Variants in PAN3 observed in about 807,000 individuals in gnomAD.
The protein encoded by PAN3 is PAN2-PAN3 deadenylation complex subunit PAN3.
PAN3 carries 19 observed loss-of-function variants against 96.2 expected under a neutral mutation model. The observed-to-expected ratio is 0.20, with a 90% CI of 0.14 to 0.29. The LOEUF is 0.29. PAN3 is among the 10% of genes least tolerant of loss of function. The pLI is 1.00. For missense variants in PAN3, 882 were observed against 1,108.1 expected (o/e 0.80, Z 2.90); for synonymous variants, 433 against 406.6 (o/e 1.06, Z -0.78).
At chr13:28,280,341 T>C in intron 15 of PAN3, 71 bp from the exon 16 acceptor site, 1 of 1,488,110 alleles carries the variant, frequency 6.7e-7, no homozygotes, top group Non-Finnish European at 9.0e-7. Flanking sequence ...CCAAAACAGC[T>C]ATGTTTGGGT....
intron 6 of PAN3, among the ~76,000 whole-genome samples, chr13:28,253,521 C>G (rs1884902814): frequency 1.3e-5 from 2 of 151,312 alleles, no homozygotes; most frequent in Non-Finnish European, 2.9e-5. Context: ...ATTTAAGTAT[C>G]CTATTATCCT....
At position 28,270,744 on chromosome 13, in the gene PAN3, G is replaced by A; in HGVS notation, c.1836G>A (p.Leu612=). 1.2e-6 allele frequency: 2 copies of A among 1,613,908 alleles called. No homozygotes were observed. Among genetic ancestry groups the A allele is most frequent in the Non-Finnish European group, 1.7e-6 (2 of 1,179,858 alleles). The change falls in exon 13 of 19, where the codon TTG becomes TTA. Residue 612 remains leucine, a synonymous_variant. Transcript: ENST00000380958. ...GPLPRQHAGL[L]PESLIWAYIV... is the part of the protein sequence containing the mutation. Reference sequence around the variant, plus strand: ...TGCCCAGGCAGCATGCTGGATTATTGCCAGAATCTCTTATTTGGGCATATA... The same window carrying A: ...TGCCCAGGCAGCATGCTGGATTATTACCAGAATCTCTTATTTGGGCATATA...
intron 2 of PAN3, 43 bp from the exon 3 acceptor site, chr13:28,176,450 T>C (rs1212905936): frequency 2.6e-6 from 4 of 1,554,790 alleles, no homozygotes; most frequent in African/African-American, 1.4e-5. Flanking sequence ...CTTTTATTTC[T>C]GTATTCCTCA....
In PAN3 at chr13:28,138,745, C is replaced by A; in HGVS notation, c.88C>A (p.Pro30Thr). Residue 30 changes from proline (P) to threonine (T), a missense_variant, in exon 1 of 19, where the codon CCG (proline) becomes ACG (threonine). Pro to Thr is a conservative substitution (Grantham distance 38). Transcript: ENST00000380958. ...SLAAAVAVVA[P>T]PGVGGVPGGA... The stretch of plus-strand genomic sequence containing the variant: ...GGCGGCGGCGGTGGCGGTGGTGGCC[C>A]CGCCGGGGGTCGGGGGTGTCCCCGG... 7.6e-7 allele frequency: 1 copy of A among 1,321,290 alleles called. No individual in the cohort carries two copies. Among genetic ancestry groups the A allele is most frequent in the Non-Finnish European group, 9.6e-7 (1 of 1,039,910 alleles). The allele number at this position is 1,321,290 out of a possible 1,614,324, so 81.8% of individuals were successfully genotyped here.
chr13:28,139,510 G>A (rs370652662), intron 1 of PAN3, among the ~76,000 whole-genome samples: 3 of 135,836 alleles, frequency 2.2e-5, no homozygotes, highest in African/African-American at 8.9e-5. Flanking sequence ...GGGGAGGGGT[G>A]TGTTTGTGTG....
chr13:28,232,669 G>A (rs1373941468), intron 6 of PAN3: 3 of 151,984 alleles, frequency 2.0e-5, no homozygotes, highest in Non-Finnish European at 4.4e-5. Context: ...ACTGTATTGA[G>A]AATTTAATTT....
intron 1 of PAN3, 120 bp from the exon 2 acceptor site, chr13:28,174,152 G>A (rs1874652692): frequency 9.2e-7 from 1 of 1,088,122 alleles, no homozygotes; most frequent in East Asian, 2.7e-5. Context: ...TTATGAACTG[G>A]TAAATAAAAA....
intron 6 of PAN3, among the ~76,000 whole-genome samples, chr13:28,228,433 A>G (rs1882220279): frequency 1.3e-5 from 2 of 152,176 alleles, no homozygotes; most frequent in South Asian, 2.1e-4. Flanking sequence ...AATGCCTGCA[A>G]CAACCTAGAT....
intron 7 of PAN3, among the ~76,000 whole-genome samples, chr13:28,257,774 T>C (rs1209168207): frequency 7.1e-6 from 1 of 140,090 alleles, no homozygotes; most frequent in East Asian, 2.0e-4. Flanking sequence ...ATATTATATA[T>C]AAATTATATA....
intron 15 of PAN3, among the ~76,000 whole-genome samples, chr13:28,280,133 T>C (rs1887347741): frequency 6.6e-6 from 1 of 152,172 alleles, no homozygotes; most frequent in African/African-American, 2.4e-5. Flanking sequence ...GGTTTGAGAA[T>C]GGAAATGGGT....
intron 9 of PAN3, among the ~76,000 whole-genome samples, chr13:28,264,887 A>T (rs971123255): frequency 6.6e-6 from 1 of 152,210 alleles, no homozygotes; most frequent in African/African-American, 2.4e-5. Context: ...GGTGACGTTT[A>T]AGAACCAGTG....
chr13:28,260,510 G>A lies in PAN3; in HGVS notation c.1312G>A (p.Ala438Thr). The change falls in exon 8 of 19, where the codon GCA becomes ACA. Residue 438 changes from alanine (A) to threonine (T), a missense_variant. Physicochemically the swap from Ala to Thr is moderately conservative, Grantham distance 58. This residue lies in a region of PAN3 where 364 missense variants were observed against 513.6 expected (regional missense o/e 0.71). Transcript: ENST00000380958. ...TCACGTTGCTTATATGCAACCGAAA[G>A]CAAACGCACCTTCCTTCTTCATGGC... Reference protein sequence around the residue: ...APHVAYMQPKANAPSFFMADE... With the variant: ...APHVAYMQPKTNAPSFFMADE... 1 of 1,613,686 alleles carries A rather than the reference G, an allele frequency of 6.2e-7. No homozygotes were observed. Among genetic ancestry groups the A allele is most frequent in the Non-Finnish European group, 8.5e-7 (1 of 1,179,670 alleles).
chr13:28,240,168 A>G (rs944027698), intron 6 of PAN3: 1 of 152,166 alleles, frequency 6.6e-6, no homozygotes, highest in African/African-American at 2.4e-5. Context: ...TTTATTAATA[A>G]GATATAATGA....
intron 12 of PAN3, among the ~76,000 whole-genome samples, chr13:28,268,039 TTTTCTC>T (rs1344563350): frequency 6.6e-6 from 1 of 152,184 alleles, no homozygotes; most frequent in African/African-American, 2.4e-5. Context: ...TTAAAATTGT[TTTTCTC>T]TTTAAAATGT....
chr13:28,175,643 A>G (rs568716808), intron 2 of PAN3, among the ~76,000 whole-genome samples: 3 of 152,200 alleles, frequency 2.0e-5, no homozygotes, highest in Non-Finnish European at 2.9e-5. Flanking sequence ...TTTCGTGTAG[A>G]TATGCACTCT....
chr13:28,258,404 T>A (rs1192071551), intron 7 of PAN3, among the ~76,000 whole-genome samples: 1 of 151,732 alleles, frequency 6.6e-6, no homozygotes. Context: ...GAGAAAAGAG[T>A]GATAAAGAGA....
At chr13:28,225,040 T>G (rs183739941) in intron 6 of PAN3, among the ~76,000 whole-genome samples, 1 of 152,326 alleles carries the variant, frequency 6.6e-6, no homozygotes, top group East Asian at 1.9e-4. Flanking sequence ...TTATTTATTG[T>G]AGGCTTTTGG....
At chr13:28,215,679 C>T (rs1880660709) in intron 5 of PAN3, 4 of 1,478,126 alleles carry the variant, frequency 2.7e-6, no homozygotes, top group Non-Finnish European at 3.7e-6. Flanking sequence ...GGAAGATGGC[C>T]CTAAATTCTT....
At chr13:28,163,875 A>G (rs1231580739) in intron 1 of PAN3, among the ~76,000 whole-genome samples, 1 of 152,162 alleles carries the variant, frequency 6.6e-6, no homozygotes. Flanking sequence ...CTAGATGGAT[A>G]CTCAGTTGTC....
Sources: allele counts gnomAD v4.1 joint callset (sites outside exome capture counted in the v4.1 genomes callset), GRCh38; gene constraint gnomAD v4.1.1; regional missense constraint gnomAD v4.1.1; transcripts MANE v1.5; gene names NCBI Gene and HGNC (gene_info 2026-07-23, HGNC 2026-07-21).